CCDC178: variants seen among roughly 807,000 people sequenced by gnomAD.
CCDC178 encodes coiled-coil domain-containing protein 178.
A neutral mutation model predicts 117.4 loss-of-function variants in CCDC178; 126 were observed. That is an observed-to-expected ratio of 1.07 (90% CI 0.93 to 1.24). The LOEUF is 1.24. CCDC178 is among the 50% of genes most tolerant of loss of function. The pLI is 0.00. For missense variants in CCDC178, 1,030 were observed against 986.9 expected (o/e 1.04, Z -0.59); for synonymous variants, 283 against 313.4 (o/e 0.90, Z 1.02).
chr18:33,340,287 G>A (rs79128200), intron 9 of CCDC178, among the ~76,000 whole-genome samples: 10,527 of 152,184 alleles, frequency 0.069, 1,174 homozygotes, highest in African/African-American at 0.24. Flanking sequence ...TCTGGTGGAA[G>A]AAACCCTAAG....
chr18:32,960,554 T>C (rs1024609161), intron 22 of CCDC178, among the ~76,000 whole-genome samples: 1 of 152,194 alleles, frequency 6.6e-6, no homozygotes, highest in Non-Finnish European at 1.5e-5. Flanking sequence ...GTCTAGGTGC[T>C]AGTCTAGGTT....
rs767489152 is a variant in CCDC178 at position 33,331,132 on chromosome 18, T to A, written c.879+2042A>T. 8.7e-5 allele frequency among the ~76,000 whole-genome samples: 13 copies of A among 148,646 alleles called. 1 individual carries two copies. Among genetic ancestry groups the A allele is most frequent in the South Asian group, 6.6e-4 (3 of 4,552 alleles). On this transcript the variant is annotated intron_variant, in intron 10 of 22. Coordinates refer to ENST00000383096, the MANE Select transcript of CCDC178 (RefSeq NM_001105528.4). Reference sequence around the variant, plus strand: ...CTAACAACTCCACTTGCCCTGCTTATAATGTACCCAAGTTCACTATCAGTG... The same window carrying A: ...CTAACAACTCCACTTGCCCTGCTTAAAATGTACCCAAGTTCACTATCAGTG...
intron 3 of CCDC178, among the ~76,000 whole-genome samples, chr18:33,403,595 C>G (rs951195167): frequency 1.3e-5 from 2 of 151,612 alleles, no homozygotes; most frequent in Non-Finnish European, 2.9e-5. Flanking sequence ...ACATAAAAAT[C>G]TTGAAAGTCA....
At chr18:33,218,291 T>C (rs2059191773) in intron 18 of CCDC178, among the ~76,000 whole-genome samples, 3 of 152,148 alleles carry the variant, frequency 2.0e-5, no homozygotes, top group African/African-American at 7.2e-5. Context: ...CACTTTTTGA[T>C]AGAGTCATTT....
At chr18:33,436,460 T>C (rs2144988187) in intron 2 of CCDC178, among the ~76,000 whole-genome samples, 1 of 152,298 alleles carries the variant, frequency 6.6e-6, no homozygotes, top group African/African-American at 2.4e-5. Flanking sequence ...GGATGCTATT[T>C]GTTTTCTGGT....
chr18:33,370,697 T>C (rs948982260), intron 5 of CCDC178, among the ~76,000 whole-genome samples: 2 of 152,056 alleles, frequency 1.3e-5, no homozygotes, highest in African/African-American at 4.8e-5. Flanking sequence ...GCAGGTCTCC[T>C]TCATCCTCAT....
At chr18:33,399,166 C>T (rs1435080890) in intron 3 of CCDC178, among the ~76,000 whole-genome samples, 1 of 151,354 alleles carries the variant, frequency 6.6e-6, no homozygotes, top group African/African-American at 2.4e-5. Flanking sequence ...CGCCACTGCA[C>T]TCCAGCCTGG....
intron 20 of CCDC178, among the ~76,000 whole-genome samples, chr18:33,116,443 C>T (rs1480884803): frequency 2.6e-5 from 4 of 152,126 alleles, no homozygotes; most frequent in Non-Finnish European, 5.9e-5. Context: ...CAGCTTAAAA[C>T]AACATCCAGG....
chr18:33,119,222 A>C lies in CCDC178; in HGVS notation c.2239-26312T>G, dbSNP rs576087618. Among the ~76,000 whole-genome samples, 24 of 152,308 alleles carry C rather than the reference A, an allele frequency of 1.6e-4. 1 individual carries two copies. In the South Asian group the frequency reaches 5.0e-3, roughly 32 times the overall value. On this transcript the variant is annotated intron_variant, in intron 20 of 22. Coordinates refer to ENST00000383096, the MANE Select transcript of CCDC178 (RefSeq NM_001105528.4). ...TTAAACTAAAGAGCTTCTGCACAGC[A>C]AAAGAAACTACCATCAGAGTGAACA...
At chr18:33,075,923 T>G (rs897843769) in intron 21 of CCDC178, among the ~76,000 whole-genome samples, 6 of 152,110 alleles carry the variant, frequency 3.9e-5, no homozygotes, top group African/African-American at 1.4e-4. Context: ...GAGCTGAGAT[T>G]GCACCACTAC....
At chr18:33,345,112 C>A (rs1463597932) in intron 9 of CCDC178, among the ~76,000 whole-genome samples, 1 of 151,968 alleles carries the variant, frequency 6.6e-6, no homozygotes, top group Admixed American at 6.6e-5. Flanking sequence ...TGGGTAATAA[C>A]TAATAATGTC....
chr18:33,269,772 A>G (rs543170038), intron 12 of CCDC178, among the ~76,000 whole-genome samples: 1 of 151,982 alleles, frequency 6.6e-6, no homozygotes, highest in Non-Finnish European at 1.5e-5. Flanking sequence ...CCTGAGGATA[A>G]GTGAAAATAT....
intron 14 of CCDC178, among the ~76,000 whole-genome samples, chr18:33,247,198 A>G (rs1466849197): frequency 2.0e-5 from 3 of 151,794 alleles, no homozygotes; most frequent in African/African-American, 7.3e-5. Context: ...ACATATTAAG[A>G]AATATCTTGT....
chr18:33,066,097 G>A (rs191236720), intron 21 of CCDC178, among the ~76,000 whole-genome samples: 1,732 of 151,920 alleles, frequency 0.011, 34 homozygotes, highest in African/African-American at 0.038. Flanking sequence ...TCCTGACCTC[G>A]TGATCCACCC....
intron 11 of CCDC178, among the ~76,000 whole-genome samples, chr18:33,322,505 A>G (rs1267168169): frequency 6.6e-6 from 1 of 151,850 alleles, no homozygotes; most frequent in Non-Finnish European, 1.5e-5. Flanking sequence ...AACAATTTTC[A>G]TGGTTTGAAA....
chr18:33,395,131 G>C (rs569215555), intron 4 of CCDC178, among the ~76,000 whole-genome samples: 1 of 150,490 alleles, frequency 6.6e-6, no homozygotes, highest in Non-Finnish European at 1.5e-5. Context: ...ATTTGGGCTG[G>C]GTTTGATGAC....
At chr18:33,218,335 T>C (rs749248747) in intron 18 of CCDC178, among the ~76,000 whole-genome samples, 27 of 152,178 alleles carry the variant, frequency 1.8e-4, no homozygotes, top group Admixed American at 2.0e-4. Flanking sequence ...AAGTTCTTTG[T>C]AGATTCTGGA....
chr18:33,307,409 T>A (rs2062270739), intron 11 of CCDC178, among the ~76,000 whole-genome samples: 1 of 152,154 alleles, frequency 6.6e-6, no homozygotes, highest in African/African-American at 2.4e-5. Context: ...GCCATAGAGA[T>A]CTGTGGAACT....
At chr18:33,438,802 T>A (rs2144996807) in intron 2 of CCDC178, among the ~76,000 whole-genome samples, 1 of 152,284 alleles carries the variant, frequency 6.6e-6, no homozygotes, top group South Asian at 2.1e-4. Flanking sequence ...TCACCATACA[T>A]CATCTTCCTT....
Sources: gnomAD v4.1 joint callset for allele counts (sites outside exome capture counted in the v4.1 genomes callset) on GRCh38, gnomAD v4.1.1 for gene constraint, MANE v1.5 for transcripts, NCBI Gene and HGNC (gene_info 2026-07-23, HGNC 2026-07-21) for gene names.